ZFTRAF1: variants seen among roughly 807,000 people sequenced by gnomAD.
ZFTRAF1 encodes zinc finger TRAF-type and ring finger containing 1.
At chr8:144,462,358 CCCGCTGCCGG>C in the ZFTRAF1 span, 1 of 490,226 alleles carries the variant, frequency 2.0e-6, no homozygotes, top group South Asian at 3.1e-5. Flanking sequence ...CCTCCAGTTT[CCCGCTGCCGG>C]CCGCCGCCGC....
chr8:144,458,632 G>C, the ZFTRAF1 span, among the ~76,000 whole-genome samples: 1 of 152,152 alleles, frequency 6.6e-6, no homozygotes, highest in African/African-American at 2.4e-5. Flanking sequence ...GTCAACATGT[G>C]GCATAGAGAC....
chr8:144,458,332 A>T, the ZFTRAF1 span, among the ~76,000 whole-genome samples: 1 of 152,210 alleles, frequency 6.6e-6, no homozygotes, highest in Non-Finnish European at 1.5e-5. Context: ...CAGAAAACAA[A>T]AATTCCAACT....
chr8:144,450,870 G>C, the ZFTRAF1 span: 2 of 606,264 alleles, frequency 3.3e-6, no homozygotes. Context: ...CTCAGCCGGG[G>C]AGGAAGGCAA....
At chr8:144,455,904 C>CCCAGCTCCTGGG in the ZFTRAF1 span, 1 of 152,898 alleles carries the variant, frequency 6.5e-6, no homozygotes, top group African/African-American at 2.4e-5. Context: ...CGAAAGCCAC[C>CCCAGCTCCTGGG]CCAGCTCCTG....
At chr8:144,450,518 A>G in the ZFTRAF1 span, 1 of 718,438 alleles carries the variant, frequency 1.4e-6, no homozygotes, top group Non-Finnish European at 2.6e-6. Context: ...AAAGTGGTAG[A>G]TGACGGGGCT....
the ZFTRAF1 span, chr8:144,453,179 C>G: frequency 6.5e-7 from 1 of 1,529,288 alleles, no homozygotes; most frequent in Non-Finnish European, 8.8e-7. Context: ...TCCCAGCAGT[C>G]CTGGGCCCCG....
the ZFTRAF1 span, chr8:144,455,188 G>A: frequency 4.1e-3 from 625 of 152,284 alleles, 1 homozygote; most frequent in Non-Finnish European, 6.9e-3. Context: ...GGTGGCGAGC[G>A]CCTGTAATCT....
chr8:144,460,815 C>T, the ZFTRAF1 span, among the ~76,000 whole-genome samples: 6 of 152,246 alleles, frequency 3.9e-5, no homozygotes, highest in East Asian at 3.9e-4. Context: ...ACTCGGGAGG[C>T]GGAGGTTGCA....
chr8:144,459,429 C>G, the ZFTRAF1 span, among the ~76,000 whole-genome samples: 1 of 152,260 alleles, frequency 6.6e-6, no homozygotes, highest in Admixed American at 6.5e-5. Flanking sequence ...GCTGTACTGG[C>G]TGCAGCCCCA....
the ZFTRAF1 span, among the ~76,000 whole-genome samples, chr8:144,460,079 C>T: frequency 6.6e-6 from 1 of 152,218 alleles, no homozygotes; most frequent in African/African-American, 2.4e-5. Flanking sequence ...CCCAGGTCTC[C>T]AGGTCTGTGT....
chr8:144,456,604 C>T, the ZFTRAF1 span: 5 of 152,292 alleles, frequency 3.3e-5, no homozygotes, highest in Non-Finnish European at 5.9e-5. Context: ...ATCCACAACC[C>T]CCCACGACCA....
At chr8:144,460,947 G>A in the ZFTRAF1 span, among the ~76,000 whole-genome samples, 509 of 152,334 alleles carry the variant, frequency 3.3e-3, 3 homozygotes, top group African/African-American at 0.012. Context: ...AAAGGAGCTG[G>A]AGAGTGGGCA....
At chr8:144,450,205 G>T in the ZFTRAF1 span, 3 of 582,482 alleles carry the variant, frequency 5.2e-6, no homozygotes, top group Admixed American at 5.8e-5. Context: ...GGGGTGAGCC[G>T]GAGGCGGGGG....
the ZFTRAF1 span, chr8:144,450,669 G>C: frequency 5.6e-6 from 4 of 717,856 alleles, no homozygotes; most frequent in Non-Finnish European, 1.0e-5. Flanking sequence ...TCGTTGACTC[G>C]AGCCTTCAGG....
At chr8:144,461,344 AAG>A in the ZFTRAF1 span, among the ~76,000 whole-genome samples, 489 of 152,316 alleles carry the variant, frequency 3.2e-3, 2 homozygotes, top group African/African-American at 0.011. Flanking sequence ...GGGGAGTTGA[AAG>A]AGAGGGAAAG....
chr8:144,461,619 C>A, the ZFTRAF1 span, among the ~76,000 whole-genome samples: 1 of 152,136 alleles, frequency 6.6e-6, no homozygotes, highest in Non-Finnish European at 1.5e-5. Flanking sequence ...ATGGCAAGTC[C>A]AGTTGGATGT....
the ZFTRAF1 span, among the ~76,000 whole-genome samples, chr8:144,458,364 TTCC>T: frequency 1.3e-5 from 2 of 152,260 alleles, no homozygotes; most frequent in African/African-American, 4.8e-5. Context: ...CCAGAACATC[TTCC>T]TTGCTCCTGT....
At chr8:144,462,083 GCC>G in the ZFTRAF1 span, among the ~76,000 whole-genome samples, 1 of 152,198 alleles carries the variant, frequency 6.6e-6, no homozygotes, top group Admixed American at 6.5e-5. Context: ...GGAAAATAAA[GCC>G]CTGAGAGAAA....
chr8:144,451,872 C>A, the ZFTRAF1 span: 1 of 225,824 alleles, frequency 4.4e-6, no homozygotes, highest in South Asian at 6.4e-5. Context: ...GTGGAGCCCT[C>A]TCCCTGAATG....
Sources: gnomAD v4.1 joint callset for allele counts (sites outside exome capture counted in the v4.1 genomes callset) on GRCh38, gnomAD v4.1.1 for gene constraint, MANE v1.5 for transcripts, NCBI Gene and HGNC (gene_info 2026-07-23, HGNC 2026-07-21) for gene names.